CDK14: variants seen among roughly 807,000 people sequenced by gnomAD.
CDK14 encodes the protein cyclin-dependent kinase 14.
A neutral mutation model predicts 60.7 loss-of-function variants in CDK14; 34 were observed. The ratio of observed to expected loss-of-function variants is 0.56; its 90% confidence interval spans 0.43 to 0.75. CDK14 has a LOEUF of 0.75. Ranked by LOEUF, CDK14 falls within the 30% of genes least tolerant of loss-of-function variation. The probability of loss-of-function intolerance (pLI) is 0.00; values close to 1 mark genes in which losing one functional copy is unlikely to be tolerated. For synonymous variants in CDK14, 197 were observed against 203.7 expected (o/e 0.97, Z 0.28); for missense variants, 482 against 564.1 (o/e 0.85, Z 1.47).
chr7:90,784,870 A>T (rs1805507014), intron 4 of CDK14, among the ~76,000 whole-genome samples: 1 of 152,232 alleles, frequency 6.6e-6, no homozygotes, highest in South Asian at 2.1e-4. Context: ...TATAGTGAGC[A>T]TTTTAACTAG....
At chr7:90,716,286 A>C (rs1269064972) in intron 2 of CDK14, 2 of 152,044 alleles carry the variant, frequency 1.3e-5, no homozygotes, top group African/African-American at 4.8e-5. Flanking sequence ...GACCTGTTTT[A>C]GGATACATGG....
chr7:91,068,807 TAAAAAAAA>T (rs57179045), intron 11 of CDK14, among the ~76,000 whole-genome samples: 51 of 68,796 alleles, frequency 7.4e-4, no homozygotes, highest in African/African-American at 2.5e-3. Flanking sequence ...TACCTTATAT[TAAAAAAAA>T]AAAAAAAAAA....
chr7:91,124,815 A>G (rs1478151251), intron 14 of CDK14, among the ~76,000 whole-genome samples: 2 of 152,200 alleles, frequency 1.3e-5, no homozygotes, highest in African/African-American at 4.8e-5. Flanking sequence ...CACAATATTT[A>G]TTACAAGGAA....
At chr7:91,096,830 A>G (rs186692807) in intron 12 of CDK14, among the ~76,000 whole-genome samples, 1 of 152,336 alleles carries the variant, frequency 6.6e-6, no homozygotes, top group African/African-American at 2.4e-5. Flanking sequence ...TTGGCCTGAC[A>G]TGAGATGCCT....
chr7:90,618,088 T>C (rs1446910236), intron 2 of CDK14, among the ~76,000 whole-genome samples: 1 of 152,240 alleles, frequency 6.6e-6, no homozygotes, highest in Non-Finnish European at 1.5e-5. Flanking sequence ...CCTGAATATA[T>C]ACACTTGGAT....
intron 14 of CDK14, among the ~76,000 whole-genome samples, chr7:91,165,358 G>A (rs971681683): frequency 4.6e-5 from 7 of 152,168 alleles, no homozygotes; most frequent in Admixed American, 2.0e-4. Context: ...AAGGGTAACA[G>A]AGCAAATGAG....
intron 5 of CDK14, among the ~76,000 whole-genome samples, chr7:90,848,051 G>C (rs1371228569): frequency 6.6e-6 from 1 of 151,976 alleles, no homozygotes; most frequent in Non-Finnish European, 1.5e-5. Context: ...CTCCCATTCT[G>C]TTTGTTTTGT....
chr7:90,638,626 C>G (rs1017663956), intron 2 of CDK14, among the ~76,000 whole-genome samples: 8 of 152,040 alleles, frequency 5.3e-5, no homozygotes, highest in African/African-American at 9.7e-5. Flanking sequence ...TGCTCTTCTC[C>G]AGGAGTATCT....
chr7:90,794,468 G>A (rs1805970432), intron 5 of CDK14, among the ~76,000 whole-genome samples: 1 of 151,880 alleles, frequency 6.6e-6, no homozygotes, highest in South Asian at 2.1e-4. Flanking sequence ...TCCCTAGGCG[G>A]CCATTTTAGA....
At chr7:90,732,037 T>G (rs1265904805) in intron 3 of CDK14, among the ~76,000 whole-genome samples, 2 of 152,040 alleles carry the variant, frequency 1.3e-5, no homozygotes, top group African/African-American at 4.8e-5. Context: ...TTCTTGAGAG[T>G]TTTTAGCATG....
intron 8 of CDK14, among the ~76,000 whole-genome samples, chr7:90,949,808 T>G (rs1794202262): frequency 6.6e-6 from 1 of 152,168 alleles, no homozygotes; most frequent in Admixed American, 6.5e-5. Flanking sequence ...AAAAGGATAT[T>G]TTAATTGTAA....
In CDK14 at chr7:90,722,074, A is replaced by T. The variant is rs140062220; in HGVS notation, c.124-4493A>T. Among the ~76,000 whole-genome samples, 454 of 151,964 alleles carry T rather than the reference A, an allele frequency of 3.0e-3. 2 individuals are homozygous for T. Among genetic ancestry groups the T allele is most frequent in the African/African-American group, 0.01 (427 of 41,452 alleles). On this transcript the variant is annotated intron_variant, in intron 2 of 14. Coordinates refer to ENST00000380050, the MANE Select transcript of CDK14 (RefSeq NM_001287135.2). Reference sequence around the variant, plus strand: ...TCATGCACTCTGGATACTTAAATTTATTCTAAGAGCTCTCCTACCCTCCCC... The same window carrying T: ...TCATGCACTCTGGATACTTAAATTTTTTCTAAGAGCTCTCCTACCCTCCCC...
chr7:90,847,933 C>G (rs187312435), intron 5 of CDK14, among the ~76,000 whole-genome samples: 1 of 152,224 alleles, frequency 6.6e-6, no homozygotes, highest in Non-Finnish European at 1.5e-5. Context: ...TAACTCTGAC[C>G]TCAAAGAGTG....
intron 5 of CDK14, among the ~76,000 whole-genome samples, chr7:90,841,567 A>T (rs1489046679): frequency 6.6e-6 from 1 of 151,962 alleles, no homozygotes; most frequent in Non-Finnish European, 1.5e-5. Flanking sequence ...TGCCCATAAC[A>T]GAGCAGTTGC....
intron 9 of CDK14, among the ~76,000 whole-genome samples, chr7:90,964,425 A>T (rs1794697431): frequency 6.6e-6 from 1 of 152,198 alleles, no homozygotes; most frequent in South Asian, 2.1e-4. Flanking sequence ...CTTTAGTTGA[A>T]CAAGTTCCTT....
intron 2 of CDK14, among the ~76,000 whole-genome samples, chr7:90,640,303 A>T (rs1800293915): frequency 6.6e-6 from 1 of 152,112 alleles, no homozygotes; most frequent in Non-Finnish European, 1.5e-5. Context: ...TATCACAGTA[A>T]ACACGCTTTT....
intron 10 of CDK14, among the ~76,000 whole-genome samples, chr7:91,044,090 G>A (rs1461008981): frequency 6.6e-6 from 1 of 152,166 alleles, no homozygotes; most frequent in South Asian, 2.1e-4. Flanking sequence ...GTGACCAATG[G>A]CCCATGACAC....
chr7:90,732,687 TC>T (rs1424415712), intron 3 of CDK14, among the ~76,000 whole-genome samples: 2 of 152,182 alleles, frequency 1.3e-5, no homozygotes, highest in Non-Finnish European at 2.9e-5. Flanking sequence ...GGTGTTGATA[TC>T]CCCCTAATCA....
chr7:90,830,531 C>T (rs1404370085), intron 5 of CDK14, among the ~76,000 whole-genome samples: 4 of 152,314 alleles, frequency 2.6e-5, no homozygotes, highest in South Asian at 2.1e-4. Context: ...GCCCTGGATA[C>T]GTTTTCCCCA....
Sources: gnomAD v4.1 joint callset for allele counts (sites outside exome capture counted in the v4.1 genomes callset) on GRCh38, gnomAD v4.1.1 for gene constraint, MANE v1.5 for transcripts, NCBI Gene and HGNC (gene_info 2026-07-23, HGNC 2026-07-21) for gene names.